CCSER1: variants seen among roughly 807,000 people sequenced by gnomAD.
CCSER1 encodes serine-rich coiled-coil domain-containing protein 1.
CCSER1 carries 41 observed loss-of-function variants against 82.0 expected under a neutral mutation model. The observed-to-expected ratio is 0.50, with a 90% CI of 0.39 to 0.65. The LOEUF is 0.65. Ranked by LOEUF, CCSER1 falls within the 30% of genes least tolerant of loss-of-function variation. CCSER1 has a pLI of 0.00. For missense variants in CCSER1, 1,119 were observed against 1,064.2 expected, an observed-to-expected ratio of 1.05 and a Z score of -0.72; for synonymous variants, 414 against 383.9, an observed-to-expected ratio of 1.08 and a Z score of -0.92.
intron 9 of CCSER1, among the ~76,000 whole-genome samples, chr4:91,058,005 C>A (rs759243056): frequency 8.5e-5 from 13 of 152,062 alleles, no homozygotes; most frequent in Admixed American, 1.3e-4. Flanking sequence ...TATGTCAAAA[C>A]CCAGATTCCT....
Position 90,298,390 on chromosome 4 carries a change from C to A in CCSER1, c.-41-9854C>A, listed in dbSNP as rs544875778. On this transcript the variant is annotated intron_variant, in intron 1 of 10. Transcript: ENST00000509176. The stretch of plus-strand genomic sequence containing the variant: ...CTATTTGATTCTTCTCTCTTTTCTT[C>A]TTTATTAGTCTTGCTAGTGGTCTAT... 2.5e-4 allele frequency among the ~76,000 whole-genome samples: 38 copies of A among 151,828 alleles called. No individual in the cohort carries two copies. The East Asian group carries it at 7.1e-3, about 29-fold the overall frequency.
rs573729333 is a variant in CCSER1 at position 91,388,723 on chromosome 4, C to T, written c.2218-209849C>T. On this transcript the variant is annotated intron_variant, in intron 10 of 10. Coordinates refer to ENST00000509176, the MANE Select transcript of CCSER1 (RefSeq NM_001145065.2). ...ATTTCTTCCTTCCTAACCTACATAT[C>T]AATCATTGTCTCTGATTACTGTAGC... Among the ~76,000 whole-genome samples, 3 of 152,164 alleles carry T rather than the reference C, an allele frequency of 2.0e-5. No individual in the cohort carries two copies. In the South Asian group the frequency reaches 6.2e-4, roughly 32 times the overall value.
chr4:91,577,396 A>G (rs2110301423), intron 10 of CCSER1, among the ~76,000 whole-genome samples: 1 of 152,138 alleles, frequency 6.6e-6, no homozygotes, highest in South Asian at 2.1e-4. Context: ...TCACACTAAA[A>G]TTACATTTCA....
At chr4:91,563,671 T>C (rs1245090109) in intron 10 of CCSER1, among the ~76,000 whole-genome samples, 1 of 151,800 alleles carries the variant, frequency 6.6e-6, no homozygotes, top group East Asian at 1.9e-4. Flanking sequence ...GTCACTTCTG[T>C]TCAACATAGT....
Position 90,604,984 on chromosome 4 carries a change from C to T in CCSER1, c.1725-23041C>T, listed in dbSNP as rs138246237. On this transcript the variant is annotated intron_variant, in intron 5 of 10. Coordinates refer to ENST00000509176, the MANE Select transcript of CCSER1 (RefSeq NM_001145065.2). ...AAAAGCAGGCTGCCCCAGCCAGCAG[C>T]GGCAACTGAGTGAGCTCCGCTTCCA... Among the ~76,000 whole-genome samples, 234 of 148,088 alleles carry T rather than the reference C, an allele frequency of 1.6e-3. No individual in the cohort carries two copies. In the Middle Eastern group the frequency reaches 0.021, roughly 13 times the overall value.
chr4:91,310,850 GT>G (rs1745421302), intron 10 of CCSER1, among the ~76,000 whole-genome samples: 1 of 151,640 alleles, frequency 6.6e-6, no homozygotes, highest in South Asian at 2.1e-4. Flanking sequence ...GACTTTTTTT[GT>G]GATTTTTTTT....
chr4:91,491,643 T>C (rs1758549341), intron 10 of CCSER1, among the ~76,000 whole-genome samples: 1 of 152,146 alleles, frequency 6.6e-6, no homozygotes, highest in East Asian at 1.9e-4. Flanking sequence ...TCTCTTTTTC[T>C]AAAATGCATG....
intron 10 of CCSER1, among the ~76,000 whole-genome samples, chr4:91,325,766 A>G (rs992856446): frequency 5.3e-5 from 8 of 152,206 alleles, no homozygotes; most frequent in African/African-American, 1.9e-4. Context: ...CAGTATCAAT[A>G]TGACTTCAGC....
chr4:91,222,220 A>G (rs1737809885), intron 10 of CCSER1, among the ~76,000 whole-genome samples: 1 of 151,158 alleles, frequency 6.6e-6, no homozygotes, highest in South Asian at 2.1e-4. Context: ...AGGAGGCAGC[A>G]TATGCAGGAA....
chr4:90,546,569 A>G (rs1776780329), intron 5 of CCSER1, among the ~76,000 whole-genome samples: 1 of 152,192 alleles, frequency 6.6e-6, no homozygotes, highest in Non-Finnish European at 1.5e-5. Flanking sequence ...AACTAAAGTC[A>G]AAGTGAGGCA....
chr4:91,187,797 C>A (rs1376364100), intron 10 of CCSER1, among the ~76,000 whole-genome samples: 2 of 152,092 alleles, frequency 1.3e-5, no homozygotes, highest in Admixed American at 6.5e-5. Context: ...AAGTGATGCA[C>A]CCGCCTTGGC....
At chr4:91,006,121 T>C (rs7680898) in intron 9 of CCSER1, among the ~76,000 whole-genome samples, 9,976 of 152,250 alleles carry the variant, frequency 0.066, 459 homozygotes, top group East Asian at 0.2. Flanking sequence ...ACGTCATTAG[T>C]ATTCTGATAA....
intron 10 of CCSER1, among the ~76,000 whole-genome samples, chr4:91,178,662 G>A (rs1436434508): frequency 6.6e-6 from 1 of 152,052 alleles, no homozygotes; most frequent in East Asian, 1.9e-4. Flanking sequence ...TTGCTTGGTT[G>A]ATCTTCCTCC....
intron 9 of CCSER1, chr4:90,938,753 C>T (rs1292146439): frequency 3.0e-6 from 1 of 332,934 alleles, no homozygotes; most frequent in African/African-American, 2.1e-5. Flanking sequence ...CATTATCTGA[C>T]AATAAGAAAT....
At chr4:91,260,259 C>CAG (rs1456537548) in intron 10 of CCSER1, among the ~76,000 whole-genome samples, 3 of 152,068 alleles carry the variant, frequency 2.0e-5, no homozygotes, top group Admixed American at 6.6e-5. Context: ...AGTAATTATC[C>CAG]AACAGCATAA....
intron 5 of CCSER1, among the ~76,000 whole-genome samples, chr4:90,523,586 T>A (rs535013153): frequency 2.0e-5 from 3 of 152,186 alleles, no homozygotes; most frequent in South Asian, 2.1e-4. Flanking sequence ...AATACAGTTT[T>A]GTTATCATTT....
At chr4:90,323,804 A>G (rs540509123) in intron 3 of CCSER1, among the ~76,000 whole-genome samples, 18 of 152,192 alleles carry the variant, frequency 1.2e-4, no homozygotes, top group African/African-American at 3.6e-4. Flanking sequence ...TATCTCCTAA[A>G]GCTATCCCTC....
chr4:91,055,526 T>G (rs1338386082), intron 9 of CCSER1, among the ~76,000 whole-genome samples: 6 of 152,160 alleles, frequency 3.9e-5, no homozygotes, highest in Admixed American at 3.3e-4. Context: ...GCTTATTGAG[T>G]ATCTCTCAGA....
At chr4:90,973,606 C>G (rs986200634) in intron 9 of CCSER1, among the ~76,000 whole-genome samples, 4 of 151,612 alleles carry the variant, frequency 2.6e-5, no homozygotes, top group African/African-American at 9.7e-5. Flanking sequence ...TATGGAGATT[C>G]CTCCAAAAGT....
Sources: gnomAD v4.1 joint callset for allele counts (sites outside exome capture counted in the v4.1 genomes callset) on GRCh38, gnomAD v4.1.1 for gene constraint, MANE v1.5 for transcripts, NCBI Gene and HGNC (gene_info 2026-07-23, HGNC 2026-07-21) for gene names.